SGCZ: variants seen among roughly 807,000 people sequenced by gnomAD.
SGCZ encodes sarcoglycan zeta, also known as zeta-sarcoglycan.
A neutral mutation model predicts 41.3 loss-of-function variants in SGCZ; 40 were observed. That is an observed-to-expected ratio of 0.97 (90% CI 0.75 to 1.26). The LOEUF (loss-of-function observed/expected upper bound fraction) is 1.26, where lower values mean the gene tolerates loss of function less well. Among genes scored for constraint, SGCZ ranks in the 50% most tolerant of loss-of-function variants. The pLI, the probability that SGCZ is intolerant of heterozygous loss-of-function variation, is 0.00. For synonymous variants in SGCZ, 206 were observed against 137.5 expected (o/e 1.50, Z -3.49); for missense variants, 552 against 369.8 (o/e 1.49, Z -4.04).
chr8:15,205,510 T>A (rs1269816356), intron 1 of SGCZ, among the ~76,000 whole-genome samples: 1 of 152,066 alleles, frequency 6.6e-6, no homozygotes, highest in East Asian at 1.9e-4. Flanking sequence ...GAAAAGCTCA[T>A]TATTACTGAG....
intron 5 of SGCZ, among the ~76,000 whole-genome samples, chr8:14,155,039 C>T (rs1409957023): frequency 6.6e-6 from 1 of 152,182 alleles, no homozygotes; most frequent in Non-Finnish European, 1.5e-5. Context: ...TACAGCCACT[C>T]TGTTTTGGAG....
intron 3 of SGCZ, among the ~76,000 whole-genome samples, chr8:14,311,858 A>G (rs1340862347): frequency 6.6e-6 from 1 of 152,194 alleles, no homozygotes; most frequent in African/African-American, 2.4e-5. Flanking sequence ...GGCACTTAAT[A>G]TATAAGAGGC....
chr8:14,885,138 T>G (rs2130731049), intron 1 of SGCZ, among the ~76,000 whole-genome samples: 1 of 152,346 alleles, frequency 6.6e-6, no homozygotes, highest in Admixed American at 6.5e-5. Context: ...AAAGTCTCTC[T>G]GAATATTTCT....
chr8:14,516,481 G>A (rs17119539), intron 2 of SGCZ, among the ~76,000 whole-genome samples: 11,017 of 151,974 alleles, frequency 0.072, 611 homozygotes, highest in African/African-American at 0.16. Flanking sequence ...TCCTCAAACT[G>A]TAGGACAAAT....
At position 15,080,765 on chromosome 8, in the gene SGCZ, T is replaced by G. The variant is rs113517801; in HGVS notation, c.39+156820A>C. ...GTCACCATGCTCAGCTAATTTTTTT[T>G]GTATTTTTAGTAGAATCGGGGTTTC... On this transcript the variant is annotated intron_variant, in intron 1 of 7. Coordinates refer to ENST00000382080, the MANE Select transcript of SGCZ (RefSeq NM_139167.4). 5.3e-3 allele frequency among the ~76,000 whole-genome samples: 806 copies of G among 152,172 alleles called. 10 individuals carry two copies. Among genetic ancestry groups the G allele is most frequent in the African/African-American group, 0.018 (761 of 41,530 alleles).
At chr8:14,822,117 A>G (rs1020148102) in intron 1 of SGCZ, among the ~76,000 whole-genome samples, 8 of 148,368 alleles carry the variant, frequency 5.4e-5, no homozygotes, top group Admixed American at 5.3e-4. Context: ...CACGGTTAGA[A>G]CTAATAAATA....
At chr8:14,534,737 G>A (rs1357559173) in intron 2 of SGCZ, among the ~76,000 whole-genome samples, 2 of 151,952 alleles carry the variant, frequency 1.3e-5, no homozygotes, top group South Asian at 2.1e-4. Context: ...TAAACTCATT[G>A]AAAGAAAGTA....
Position 14,167,516 on chromosome 8 carries a change from C to G in SGCZ, c.425-2814G>C, listed in dbSNP as rs574112339. On this transcript the variant is annotated intron_variant, in intron 4 of 7. Transcript: ENST00000382080. ...CCAAGACTAAACACTTCCTTAGGAA[C>G]ATCTCTGAGAAAGTTTATGTCAATA... Among the ~76,000 whole-genome samples, 4 of 151,986 alleles carry G rather than the reference C, an allele frequency of 2.6e-5. No homozygotes were observed. The East Asian group carries it at 7.7e-4, about 29-fold the overall frequency.
chr8:14,710,890 G>A lies in SGCZ; in HGVS notation c.40-155964C>T, dbSNP rs182452246. Among the ~76,000 whole-genome samples the A allele has an allele frequency of 3.9e-5, 6 of 152,168 alleles. No individual in the cohort carries two copies. The East Asian group carries it at 7.7e-4, about 20-fold the overall frequency. On this transcript the variant is annotated intron_variant, in intron 1 of 7. Transcript: ENST00000382080. ...ATGTTTTGTAAAACACACTCAAAAC[G>A]AAGACCGAATACACAATGAAAATAA...
intron 1 of SGCZ, among the ~76,000 whole-genome samples, chr8:14,736,808 G>T (rs1197372256): frequency 2.0e-5 from 3 of 151,898 alleles, no homozygotes; most frequent in South Asian, 4.1e-4. Context: ...CTATTAATTA[G>T]TTCTTTTTTT....
chr8:14,270,704 C>T (rs1176172775), intron 3 of SGCZ, among the ~76,000 whole-genome samples: 1 of 151,934 alleles, frequency 6.6e-6, no homozygotes, highest in Non-Finnish European at 1.5e-5. Context: ...AGGAATAGTG[C>T]CGCAATAAAC....
intron 4 of SGCZ, among the ~76,000 whole-genome samples, chr8:14,171,779 A>C (rs1170865522): frequency 1.3e-5 from 2 of 150,614 alleles, no homozygotes; most frequent in Admixed American, 6.6e-5. Flanking sequence ...ATGCTTATTG[A>C]CATTTAGTTT....
chr8:14,813,047 A>G (rs562219383), intron 1 of SGCZ, among the ~76,000 whole-genome samples: 2 of 152,194 alleles, frequency 1.3e-5, no homozygotes, highest in Non-Finnish European at 2.9e-5. Flanking sequence ...TGAAATGTTA[A>G]ATACTCTTAA....
rs1807587742 is a variant in SGCZ, at chr8:14,656,628, C to CTT, written c.40-101703_40-101702insAA. Among the ~76,000 whole-genome samples the CTT allele has an allele frequency of 1.4e-5, 2 of 140,892 alleles. 1 individual carries two copies. Among genetic ancestry groups the CTT allele is most frequent in the Non-Finnish European group, 3.1e-5 (2 of 64,128 alleles). 92.4% of individuals were successfully genotyped at this position (140,892 alleles called of 152,430 possible). A position where few individuals can be genotyped will look rare whatever the true frequency, so the allele number is the denominator to read the frequency against. ...CTCCCTCTCCTCTCTCTCTCTCTCT[C>CTT]CTCCCCTCTCCTTTCCTCTCCTTTC... On this transcript the variant is annotated intron_variant, in intron 1 of 7. Transcript: ENST00000382080.
At chr8:14,201,953 C>T (rs1237199290) in intron 4 of SGCZ, among the ~76,000 whole-genome samples, 1 of 152,148 alleles carries the variant, frequency 6.6e-6, no homozygotes, top group Non-Finnish European at 1.5e-5. Context: ...ATATGTAAGA[C>T]TTAAATTTTA....
At chr8:15,198,770 A>G (rs1490745117) in intron 1 of SGCZ, among the ~76,000 whole-genome samples, 1 of 152,136 alleles carries the variant, frequency 6.6e-6, no homozygotes, top group Non-Finnish European at 1.5e-5. Flanking sequence ...AGCATGGGGG[A>G]ATCAACTAGC....
intron 3 of SGCZ, chr8:14,309,780 C>G (rs11203597): frequency 0.71 from 1,041,859 of 1,474,180 alleles, 377,027 homozygotes; most frequent in Non-Finnish European, 0.75. Flanking sequence ...ATTTAAATTT[C>G]ATTTCCATCT....
intron 3 of SGCZ, among the ~76,000 whole-genome samples, chr8:14,244,779 T>C (rs1799024596): frequency 6.6e-6 from 1 of 152,096 alleles, no homozygotes; most frequent in Non-Finnish European, 1.5e-5. Flanking sequence ...TGATCAGTGG[T>C]TTGTAGTTCT....
intron 1 of SGCZ, among the ~76,000 whole-genome samples, chr8:15,097,778 AT>A: frequency 7.1e-6 from 1 of 140,888 alleles, no homozygotes; most frequent in Non-Finnish European, 1.5e-5. Flanking sequence ...ATATATATAT[AT>A]ACGTGTATAT....
Sources: gnomAD v4.1 joint callset for allele counts (sites outside exome capture counted in the v4.1 genomes callset) on GRCh38, gnomAD v4.1.1 for gene constraint, MANE v1.5 for transcripts, NCBI Gene and HGNC (gene_info 2026-07-23, HGNC 2026-07-21) for gene names.